The following JRK variants were observed in gnomAD, a reference collection of about 807,000 sequenced individuals.
JRK encodes the protein Jrk helix-turn-helix protein.
For synonymous variants in JRK, 303 were observed against 218.1 expected (o/e 1.39, Z -3.43); for missense variants, 720 against 509.2 (o/e 1.41, Z -3.98).
At chr8:142,648,309 A>C in the JRK span, among the ~76,000 whole-genome samples, 1 of 152,254 alleles carries the variant, frequency 6.6e-6, no homozygotes, top group Non-Finnish European at 1.5e-5. Context: ...ACAATGGGGA[A>C]AATGTCTCCA....
In JRK at chr8:142,659,086, C is replaced by T; in HGVS notation, c.*5266G>A. ...ATTTTTTCTCTTCAGAACTGACAGC[C>T]CATCAAGGTACAATGAAATAGAAAA... is the stretch of plus-strand genomic sequence containing the variant. On this transcript the variant is annotated 3_prime_UTR_variant, in exon 2 of 2. Transcript: ENST00000612905. 1.4e-6 allele frequency: 2 copies of T among 1,404,386 alleles called. No individual in the cohort carries two copies. The highest frequency in any genetic ancestry group is 1.6e-5 in the South Asian group (1 of 62,534). 87.0% of individuals were successfully genotyped at this position (1,404,386 alleles called of 1,614,324 possible).
chr8:142,669,555 GTTTT>G (rs1390666524), intron 1 of JRK, among the ~76,000 whole-genome samples: 8 of 152,160 alleles, frequency 5.3e-5, no homozygotes, highest in African/African-American at 1.7e-4. Context: ...TCTCGGTCTG[GTTTT>G]TTAAGGGCAA....
In JRK at chr8:142,659,628, A is replaced by G; in HGVS notation, c.*4724T>C. 2.0e-6 allele frequency: 2 copies of G among 985,598 alleles called. No individual in the cohort carries two copies. Among genetic ancestry groups the G allele is most frequent in the South Asian group, 9.4e-5 (2 of 21,288 alleles). 61.1% of individuals were successfully genotyped at this position (985,598 alleles called of 1,614,324 possible). ...GGGCCATACCCAGATTCAGAGGCTC[A>G]GGACCACCACGGAACTGAAAGGAGG... is the stretch of plus-strand genomic sequence containing the variant. On this transcript the variant is annotated 3_prime_UTR_variant, in exon 2 of 2. Coordinates refer to ENST00000612905, the MANE Select transcript of JRK (RefSeq NM_003724.4).
At position 142,660,865 on chromosome 8, in the gene JRK, C is replaced by T. The variant is rs765279659; in HGVS notation, c.*3487G>A. The T allele has an allele frequency of 1.0e-6, 1 of 985,682 alleles. No individual in the cohort carries two copies. Among genetic ancestry groups the T allele is most frequent in the Non-Finnish European group, 1.2e-6 (1 of 830,136 alleles). The allele number at this position is 985,682 out of a possible 1,614,324, so 61.1% of individuals were successfully genotyped here. A position where few individuals can be genotyped will look rare whatever the true frequency, so the allele number is the denominator to read the frequency against. On this transcript the variant is annotated 3_prime_UTR_variant, in exon 2 of 2. Transcript: ENST00000612905. ...CCCTGCCTCAAACCGTGTCCCTCCACAAGCACATCCAGCCACTGGGACCCT... is the reference window on the plus strand; with the variant it reads ...CCCTGCCTCAAACCGTGTCCCTCCATAAGCACATCCAGCCACTGGGACCCT...
intron 1 of JRK, among the ~76,000 whole-genome samples, chr8:142,669,219 T>C (rs1461795029): frequency 1.5e-4 from 19 of 130,596 alleles, no homozygotes; most frequent in African/African-American, 5.4e-4. Context: ...TGTTGGGGGG[T>C]ATGGAGGATA....
At chr8:142,647,246 T>C in the JRK span, among the ~76,000 whole-genome samples, 1 of 152,166 alleles carries the variant, frequency 6.6e-6, no homozygotes, top group Non-Finnish European at 1.5e-5. Context: ...CATATGATGC[T>C]TTTACAGTGC....
In JRK at chr8:142,661,872, ACGG is replaced by A; in HGVS notation, c.*2477_*2479del. 1 of 985,548 alleles carries A rather than the reference ACGG, an allele frequency of 1.0e-6. No individual in the cohort carries two copies. The highest frequency in any genetic ancestry group is 1.2e-6 in the Non-Finnish European group (1 of 830,000). 61.1% of individuals were successfully genotyped at this position (985,548 alleles called of 1,614,324 possible). On this transcript the variant is annotated 3_prime_UTR_variant, in exon 2 of 2. Coordinates refer to ENST00000612905, the MANE Select transcript of JRK (RefSeq NM_003724.4). ...AGTGAAAACAAAGTGCTCGGAGGAC[ACGG>A]CAGTCTCCATAAAGCGTTCTGGGGG... is the stretch of plus-strand genomic sequence containing the variant.
chr8:142,658,736 T>C lies in JRK; in HGVS notation c.*5616A>G. ...GGGGGGGGACACAAACATGCAGTCC[T>C]TAACACCATCGTCATGGAGATGGAG... On this transcript the variant is annotated 3_prime_UTR_variant, in exon 2 of 2. Transcript: ENST00000612905. The C allele has an allele frequency of 6.7e-7, 1 of 1,482,936 alleles. No individual in the cohort carries two copies. Among genetic ancestry groups the C allele is most frequent in the Non-Finnish European group, 9.0e-7 (1 of 1,112,544 alleles). 91.9% of individuals were successfully genotyped at this position (1,482,936 alleles called of 1,614,324 possible).
In JRK at chr8:142,661,521, G is replaced by A. The variant is rs1311653265; in HGVS notation, c.*2831C>T. 9.1e-6 allele frequency: 9 copies of A among 985,354 alleles called. No individual in the cohort carries two copies. Among genetic ancestry groups the A allele is most frequent in the East Asian group, 1.1e-4 (1 of 8,828 alleles). 61.0% of individuals were successfully genotyped at this position (985,354 alleles called of 1,614,324 possible). On this transcript the variant is annotated 3_prime_UTR_variant, in exon 2 of 2. Transcript: ENST00000612905. The stretch of plus-strand genomic sequence containing the variant: ...CCACAGAGGTCCCAAACCATATGAC[G>A]CAGCACCTGCTACCCCACGAGCCAC...
At chr8:142,646,740 T>C in the JRK span, among the ~76,000 whole-genome samples, 2 of 152,258 alleles carry the variant, frequency 1.3e-5, no homozygotes, top group African/African-American at 4.8e-5. Flanking sequence ...AAGTATTTGA[T>C]TCAAGTGCTT....
Position 142,661,763 on chromosome 8 carries a change from G to A in JRK, c.*2589C>T. The A allele has an allele frequency of 4.1e-6, 4 of 985,542 alleles. No homozygotes were observed. The highest frequency in any genetic ancestry group is 4.8e-6 in the Non-Finnish European group (4 of 830,000). 61.0% of individuals were successfully genotyped at this position (985,542 alleles called of 1,614,324 possible). On this transcript the variant is annotated 3_prime_UTR_variant, in exon 2 of 2. Coordinates refer to ENST00000612905, the MANE Select transcript of JRK (RefSeq NM_003724.4). ...GAGCTGTGCTGTGGTGTCTGGTACA[G>A]CGGGGCTCCACCTGAGAGGGCTTGG...
Position 142,664,421 on chromosome 8 carries a change from C to T in JRK, c.1638G>A (p.Glu546=), listed in dbSNP as rs1554635084. The change falls in exon 2 of 2, where the codon GAG becomes GAA. Residue 546 remains glutamate, a synonymous_variant. Coordinates refer to ENST00000612905, the MANE Select transcript of JRK (RefSeq NM_003724.4). ...GAVVKVEALQ[E]GPGGCGATAQ... is the part of the protein sequence containing the mutation. ...CTGTGGCCCCACAGCCACCAGGGCC[C>T]TCCTGGAGGGCTTCAACCTTGACCA... 1 of 1,607,618 alleles carries T rather than the reference C, an allele frequency of 6.2e-7. No individual in the cohort carries two copies. Among genetic ancestry groups the T allele is most frequent in the Admixed American group, 1.7e-5 (1 of 59,772 alleles).
chr8:142,658,800 G>A lies in JRK; in HGVS notation c.*5552C>T. 5 of 1,579,000 alleles carry A rather than the reference G, an allele frequency of 3.2e-6. No individual in the cohort carries two copies. The highest frequency in any genetic ancestry group is 4.3e-6 in the Non-Finnish European group (5 of 1,162,370). ...CAACACCCATAACCTCAAGGGCACT[G>A]GTGGGGACAGAGGGGTCTTACCCAG... On this transcript the variant is annotated 3_prime_UTR_variant, in exon 2 of 2. Transcript: ENST00000612905.
In JRK at chr8:142,661,562, G is replaced by A; in HGVS notation, c.*2790C>T. On this transcript the variant is annotated 3_prime_UTR_variant, in exon 2 of 2. Coordinates refer to ENST00000612905, the MANE Select transcript of JRK (RefSeq NM_003724.4). ...CACGAGCCACTGGAAAACTGAGGCT[G>A]CAACTTGCAGGGGCACTGTGAGAAG... 2 of 985,550 alleles carry A rather than the reference G, an allele frequency of 2.0e-6. No homozygotes were observed. Among genetic ancestry groups the A allele is most frequent in the Non-Finnish European group, 2.4e-6 (2 of 829,994 alleles). The allele number at this position is 985,550 out of a possible 1,614,324, so 61.1% of individuals were successfully genotyped here. A position where few individuals can be genotyped will look rare whatever the true frequency, so the allele number is the denominator to read the frequency against.
chr8:142,656,701 G>A (rs1554633715), downstream of JRK, among the ~76,000 whole-genome samples: 1 of 152,240 alleles, frequency 6.6e-6, no homozygotes, highest in East Asian at 1.9e-4. Flanking sequence ...TTCCTGTGGG[G>A]AGGAATGTGG....
chr8:142,665,102 G>A lies in JRK; in HGVS notation c.957C>T (p.Phe319=), dbSNP rs1437008655. The change falls in exon 2 of 2, where the codon TTC becomes TTT. Residue 319 remains phenylalanine, a synonymous_variant. Transcript: ENST00000612905. ...ELVSSNVFTI[F]LPASVASLVQ... is the part of the protein sequence containing the mutation. Reference sequence around the variant, plus strand: ...CCAATGAGGCCACGCTGGCAGGCAGGAAGATGGTGAAAACGTTACTGGACA... The same window carrying A: ...CCAATGAGGCCACGCTGGCAGGCAGAAAGATGGTGAAAACGTTACTGGACA... The A allele has an allele frequency of 1.1e-5, 8 of 717,842 alleles. No individual in the cohort carries two copies. The African/African-American group carries it at 1.4e-4, about 13-fold the overall frequency. 44.5% of individuals were successfully genotyped at this position (717,842 alleles called of 1,614,324 possible). A position where few individuals can be genotyped will look rare whatever the true frequency, so the allele number is the denominator to read the frequency against.
At position 142,658,920 on chromosome 8, in the gene JRK, C is replaced by T; in HGVS notation, c.*5432G>A. 6.2e-7 allele frequency: 1 copy of T among 1,613,484 alleles called. No homozygotes were observed. The highest frequency in any genetic ancestry group is 8.5e-7 in the Non-Finnish European group (1 of 1,179,730). On this transcript the variant is annotated 3_prime_UTR_variant, in exon 2 of 2. Transcript: ENST00000612905. Reference sequence around the variant, plus strand: ...GCCAACTCCTCTGGTGAGGTCACTACCACATCCTCAAGGCCCACAGTCTCC... The same window carrying T: ...GCCAACTCCTCTGGTGAGGTCACTATCACATCCTCAAGGCCCACAGTCTCC...
chr8:142,658,712 G>A lies in JRK; in HGVS notation c.*5640C>T, dbSNP rs370903421. ...TCAGGGTTTCAACATATAAACTTTGGGGGGGGACACAAACATGCAGTCCTT... is the reference window on the plus strand; with the variant it reads ...TCAGGGTTTCAACATATAAACTTTGAGGGGGGACACAAACATGCAGTCCTT... On this transcript the variant is annotated 3_prime_UTR_variant, in exon 2 of 2. Coordinates refer to ENST00000612905, the MANE Select transcript of JRK (RefSeq NM_003724.4). 5.0e-6 allele frequency: 7 copies of A among 1,389,392 alleles called. No individual in the cohort carries two copies. Among genetic ancestry groups the A allele is most frequent in the African/African-American group, 1.5e-5 (1 of 68,872 alleles). 86.1% of individuals were successfully genotyped at this position (1,389,392 alleles called of 1,614,324 possible).
rs953734259 is a variant in JRK, at chr8:142,665,363, G to A, written c.696C>T (p.Pro232=). Residue 232 remains proline (P), a synonymous_variant, in exon 2 of 2, where the codon CCC becomes CCT. Transcript: ENST00000612905. ...GACCGCTGCACTTCCCGATGGCCAA[G>A]GGCTTGAGCCTGTGGGAGCCCGTGG... The part of the protein sequence containing the change: ...ANATGSHRLK[P]LAIGKCSGPR... 7.0e-6 allele frequency: 5 copies of A among 717,630 alleles called. No homozygotes were observed. Among genetic ancestry groups the A allele is most frequent in the Non-Finnish European group, 1.3e-5 (5 of 385,086 alleles). The allele number at this position is 717,630 out of a possible 1,614,324, so 44.5% of individuals were successfully genotyped here. A position where few individuals can be genotyped will look rare whatever the true frequency, so the allele number is the denominator to read the frequency against.
Sources: allele counts gnomAD v4.1 joint callset (sites outside exome capture counted in the v4.1 genomes callset), GRCh38; gene constraint gnomAD v4.1.1; transcripts MANE v1.5; gene names NCBI Gene and HGNC (gene_info 2026-07-23, HGNC 2026-07-21).